The following SLIT3 variants were observed in gnomAD, a reference collection of about 807,000 sequenced individuals.
SLIT3 encodes slit homolog 3 protein.
A neutral mutation model predicts 184.0 loss-of-function variants in SLIT3; 68 were observed. The ratio of observed to expected loss-of-function variants is 0.37; its 90% confidence interval spans 0.30 to 0.45. The LOEUF (loss-of-function observed/expected upper bound fraction) is 0.45, where lower values mean the gene tolerates loss of function less well. SLIT3 is among the 20% of genes least tolerant of loss of function. The pLI, the probability that SLIT3 is intolerant of heterozygous loss-of-function variation, is 1.00. For synonymous variants in SLIT3, 831 were observed against 828.6 expected (o/e 1.00, Z -0.05); for missense variants, 1,707 against 2,026.0 (o/e 0.84, Z 3.02).
intron 4 of SLIT3, among the ~76,000 whole-genome samples, chr5:168,935,585 C>T (rs944228163): frequency 2.0e-5 from 3 of 152,318 alleles, no homozygotes; most frequent in East Asian, 3.9e-4. Flanking sequence ...TGACGCCACA[C>T]TGATGAAATG....
chr5:168,823,310 G>A lies in SLIT3; in HGVS notation c.579C>T (p.Ile193=). The A allele has an allele frequency of 6.2e-7, 1 of 1,613,946 alleles. No individual in the cohort carries two copies. Among genetic ancestry groups the A allele is most frequent in the South Asian group, 1.1e-5 (1 of 91,070 alleles). ...TGAAGCTGGTGACCAGGATGCGACT[G>A]ATGTTGTTGTTGTTGAGGGTACTGT... is the stretch of plus-strand genomic sequence containing the variant. The part of the protein sequence containing the change: ...LEILTLNNNN[I]SRILVTSFNH... The change falls in exon 7 of 36, where the codon ATC becomes ATT. Residue 193 remains isoleucine (I), a synonymous_variant. Transcript: ENST00000519560.
At chr5:169,029,772 G>C (rs556105911) in intron 4 of SLIT3, among the ~76,000 whole-genome samples, 8 of 152,276 alleles carry the variant, frequency 5.3e-5, no homozygotes, top group Admixed American at 5.2e-4. Flanking sequence ...GGGAAGGAGA[G>C]AGCAGGCAGG....
Position 168,749,631 on chromosome 5 carries a change from G to A in SLIT3, c.1978C>T (p.Leu660Phe). 6.2e-7 allele frequency: 1 copy of A among 1,614,136 alleles called. No individual in the cohort carries two copies. The highest frequency in any genetic ancestry group is 8.5e-7 in the Non-Finnish European group (1 of 1,179,990). Reference protein sequence around the residue: ...TTLVSLSTINLLSNPFNCNCH... With the variant: ...TTLVSLSTINFLSNPFNCNCH... ...TTGCAGTTGAAGGGGTTGGACAGGA[G>A]GTTTCTAGGAAGAGAGAAGGGTGCT... Residue 660 changes from leucine (L) to phenylalanine (F), a missense_variant, in exon 19 of 36, where the codon CTC becomes TTC. By Grantham distance (22) the Leu-to-Phe change is conservative. Around this residue, in one of 3 missense-constraint regions of SLIT3, gnomAD observed 1,307 missense variants for 1,511.6 expected, o/e 0.86. Coordinates refer to ENST00000519560, the MANE Select transcript of SLIT3 (RefSeq NM_003062.4).
intron 34 of SLIT3, 126 bp from the exon 35 acceptor site, chr5:168,670,117 T>G (rs2303002): frequency 0.21 from 159,972 of 747,226 alleles, 19,033 homozygotes; most frequent in East Asian, 0.42. Context: ...CTTTCTCTGT[T>G]TCCTAGGCTG....
At chr5:168,979,930 T>G (rs1159511542) in intron 4 of SLIT3, among the ~76,000 whole-genome samples, 2 of 152,120 alleles carry the variant, frequency 1.3e-5, no homozygotes, top group Non-Finnish European at 2.9e-5. Flanking sequence ...TTTCTCTCTC[T>G]CTTCTTAGCT....
chr5:169,272,904 C>T (rs1292186838), intron 1 of SLIT3, among the ~76,000 whole-genome samples: 1 of 152,186 alleles, frequency 6.6e-6, no homozygotes, highest in Non-Finnish European at 1.5e-5. Flanking sequence ...CTTAATTACA[C>T]TGGGATTGTG....
chr5:168,906,574 C>T (rs865854666), intron 4 of SLIT3, among the ~76,000 whole-genome samples: 12 of 152,092 alleles, frequency 7.9e-5, no homozygotes, highest in East Asian at 5.8e-4. Context: ...GATCCCAAAC[C>T]GTCACAGGGG....
chr5:168,670,641 G>A (rs1761209419), intron 34 of SLIT3, among the ~76,000 whole-genome samples: 1 of 152,126 alleles, frequency 6.6e-6, no homozygotes, highest in Admixed American at 6.5e-5. Flanking sequence ...CCTTATTCCT[G>A]ATCCAAAAAA....
At chr5:169,000,217 C>G (rs140251070) in intron 4 of SLIT3, among the ~76,000 whole-genome samples, 3,362 of 151,678 alleles carry the variant, frequency 0.022, 56 homozygotes, top group Non-Finnish European at 0.035. Context: ...CATGGTGAAA[C>G]CTCGTTTCTA....
intron 4 of SLIT3, among the ~76,000 whole-genome samples, chr5:169,129,054 G>T (rs1254923672): frequency 6.6e-6 from 1 of 152,130 alleles, no homozygotes; most frequent in Non-Finnish European, 1.5e-5. Flanking sequence ...GCAGGGGAGC[G>T]GGGGTTATAA....
chr5:169,243,671 A>T (rs747326425), intron 3 of SLIT3, among the ~76,000 whole-genome samples: 39 of 152,214 alleles, frequency 2.6e-4, no homozygotes, highest in Admixed American at 3.3e-4. Context: ...CTCAAAGCTA[A>T]CTAGTCAGGG....
At chr5:169,154,418 G>A (rs1035974481) in intron 4 of SLIT3, among the ~76,000 whole-genome samples, 1 of 152,204 alleles carries the variant, frequency 6.6e-6, no homozygotes, top group Admixed American at 6.5e-5. Flanking sequence ...TCCTATAGGT[G>A]GGCATGACTC....
intron 4 of SLIT3, among the ~76,000 whole-genome samples, chr5:169,093,817 T>G (rs1369987617): frequency 1.3e-5 from 2 of 152,192 alleles, no homozygotes; most frequent in Non-Finnish European, 1.5e-5. Context: ...GCAATACAAA[T>G]GATCAAGTGT....
chr5:169,259,234 T>C (rs1368775869), intron 1 of SLIT3, among the ~76,000 whole-genome samples: 1 of 151,320 alleles, frequency 6.6e-6, no homozygotes. Flanking sequence ...AATTTTTGTA[T>C]TTTTAGTAGA....
chr5:168,746,557 G>C (rs1346166853), intron 20 of SLIT3, among the ~76,000 whole-genome samples: 1 of 125,754 alleles, frequency 8.0e-6, no homozygotes, highest in Non-Finnish European at 1.7e-5. Flanking sequence ...GCGGTGGTGT[G>C]GGTGTGGTGG....
intron 4 of SLIT3, among the ~76,000 whole-genome samples, chr5:168,933,842 TG>T (rs1762072092): frequency 6.6e-6 from 1 of 152,320 alleles, no homozygotes; most frequent in South Asian, 2.1e-4. Context: ...ACAAGAGTGA[TG>T]CGCTAACAGA....
rs199760229 is a variant in SLIT3 at position 168,806,438 on chromosome 5, G to A, written c.935+8C>T. The A allele has an allele frequency of 1.9e-6, 3 of 1,614,130 alleles. No individual in the cohort carries two copies. The highest frequency in any genetic ancestry group is 2.2e-5 in the South Asian group (2 of 91,078). ...CAGTTGTTGGGGGTGTCAGACAGGT[G>A]CACTTACATTTCGACGATGCCCTCC... is the stretch of plus-strand genomic sequence containing the variant. On this transcript the variant is annotated splice_region_variant and intron_variant, in intron 9 of 35. Transcript: ENST00000519560.
chr5:168,980,624 G>A (rs1339872718), intron 4 of SLIT3, among the ~76,000 whole-genome samples: 1 of 152,130 alleles, frequency 6.6e-6, no homozygotes, highest in African/African-American at 2.4e-5. Flanking sequence ...GAAGGCCCCA[G>A]AATATTGCAT....
intron 1 of SLIT3, among the ~76,000 whole-genome samples, chr5:169,296,338 C>T (rs1767500722): frequency 6.6e-6 from 1 of 152,176 alleles, no homozygotes; most frequent in African/African-American, 2.4e-5. Flanking sequence ...CTAAGAAAAC[C>T]ACTAAGACTA....
Sources: gnomAD v4.1 joint callset for allele counts (sites outside exome capture counted in the v4.1 genomes callset) on GRCh38, gnomAD v4.1.1 for gene constraint, gnomAD v4.1.1 regional missense constraint, MANE v1.5 for transcripts, NCBI Gene and HGNC (gene_info 2026-07-23, HGNC 2026-07-21) for gene names.